The following WDR20 variants were observed in gnomAD, a reference collection of about 807,000 sequenced individuals.
WDR20 encodes WD repeat domain 20, also known as WD repeat-containing protein 20.
In WDR20, 3 loss-of-function variants were observed where a neutral mutation model predicts 38.7. The observed-to-expected ratio is 0.08, with a 90% CI of 0.04 to 0.20. The LOEUF is 0.20. Among genes scored for constraint, WDR20 ranks in the 10% least tolerant of loss-of-function variants. WDR20 has a pLI of 1.00. For missense variants in WDR20, 559 were observed against 727.7 expected (o/e 0.77, Z 2.67); for synonymous variants, 298 against 285.6 (o/e 1.04, Z -0.44).
In WDR20 at chr14:102,209,581, G is replaced by C. The variant is rs2062160864; in HGVS notation, c.1411G>C (p.Glu471Gln). ...AACACTTTCACTACATGACCGGAAG[G>C]AGAGGCACCACGAGAAAGATCACAA... is the stretch of plus-strand genomic sequence containing the variant. ...FATLSLHDRK[E>Q]RHHEKDHKRN... The change falls in exon 3 of 3, where the codon GAG becomes CAG. Residue 471 changes from glutamate to glutamine, a missense_variant. By Grantham distance (29) the Glu-to-Gln change is conservative. Coordinates refer to ENST00000342702, the MANE Select transcript of WDR20 (RefSeq NM_144574.4). This position sits in a 1 kb window ranked among gnomAD's most constrained non-coding sequence, Gnocchi z 6.0. 7 of 1,614,194 alleles carry C rather than the reference G, an allele frequency of 4.3e-6. No individual in the cohort carries two copies. The highest frequency in any genetic ancestry group is 5.9e-6 in the Non-Finnish European group (7 of 1,180,044).
At chr14:102,160,527 T>C (rs543503787) in intron 1 of WDR20, among the ~76,000 whole-genome samples, 6 of 152,252 alleles carry the variant, frequency 3.9e-5, no homozygotes, top group East Asian at 1.9e-4. Flanking sequence ...ATATTGGAGA[T>C]CTTTCCATTT....
intron 1 of WDR20, among the ~76,000 whole-genome samples, chr14:102,168,300 A>C (rs2060141195): frequency 6.6e-6 from 1 of 152,130 alleles, no homozygotes; most frequent in African/African-American, 2.4e-5. Flanking sequence ...AAAAAGGAAA[A>C]ATTTTTCCCC....
At chr14:102,167,029 T>C (rs961671611) in intron 1 of WDR20, among the ~76,000 whole-genome samples, 10 of 152,190 alleles carry the variant, frequency 6.6e-5, no homozygotes, top group Non-Finnish European at 2.9e-5. Flanking sequence ...TGAAAATCTT[T>C]CAGTGGTTCC....
At chr14:102,195,235 G>GC (rs147480784) in intron 2 of WDR20, 115 bp downstream of exon 2, 91 of 1,160,244 alleles carry the variant, frequency 7.8e-5, no homozygotes, top group Non-Finnish European at 9.8e-5. Flanking sequence ...TATTCGCCCA[G>GC]CCCTCCTACC....
intron 2 of WDR20, among the ~76,000 whole-genome samples, chr14:102,195,381 A>C (rs2059242840): frequency 6.6e-6 from 1 of 152,128 alleles, no homozygotes; most frequent in African/African-American, 2.4e-5. Context: ...TCTATAATGG[A>C]GATAGGGACA....
intron 1 of WDR20, among the ~76,000 whole-genome samples, chr14:102,186,904 C>A (rs988867208): frequency 1.3e-5 from 2 of 151,280 alleles, no homozygotes; most frequent in African/African-American, 4.9e-5. Flanking sequence ...GAGCCGAGAT[C>A]GTGCCACTGC....
At chr14:102,217,521 A>C (rs2063360313), downstream of WDR20, among the ~76,000 whole-genome samples, 1 of 152,188 alleles carries the variant, frequency 6.6e-6, no homozygotes, top group African/African-American at 2.4e-5. Flanking sequence ...TGGCAGAGGT[A>C]CGTGGTCCAC....
chr14:102,218,964 C>A (rs914004123), downstream of WDR20, among the ~76,000 whole-genome samples: 2 of 152,188 alleles, frequency 1.3e-5, no homozygotes, highest in Non-Finnish European at 2.9e-5. Context: ...CCCTTTTCTC[C>A]CATGAAAAGG....
chr14:102,203,545 A>G (rs2060905859), intron 2 of WDR20, among the ~76,000 whole-genome samples: 1 of 152,088 alleles, frequency 6.6e-6, no homozygotes, highest in Non-Finnish European at 1.5e-5. Flanking sequence ...CTCCAGACCA[A>G]ATTCCCCTCC....
At chr14:102,170,938 T>C (rs1004067386) in intron 1 of WDR20, among the ~76,000 whole-genome samples, 1 of 152,032 alleles carries the variant, frequency 6.6e-6, no homozygotes, top group African/African-American at 2.4e-5. Context: ...TCCTCCTCCT[T>C]GGGAAATTTC....
chr14:102,198,735 G>A (rs1342331100), intron 2 of WDR20, among the ~76,000 whole-genome samples: 1 of 152,170 alleles, frequency 6.6e-6, no homozygotes, highest in Non-Finnish European at 1.5e-5. Flanking sequence ...AGGCAGATTG[G>A]TGTTTTTGAA....
downstream of WDR20, among the ~76,000 whole-genome samples, chr14:102,210,853 C>T (rs1166775587): frequency 1.3e-5 from 2 of 152,198 alleles, no homozygotes; most frequent in East Asian, 1.9e-4. Flanking sequence ...TGACATGGCC[C>T]TCGTTTGGGC....
At chr14:102,212,373 G>A (rs963807343), downstream of WDR20, 3 of 881,536 alleles carry the variant, frequency 3.4e-6, no homozygotes, top group African/African-American at 1.7e-5. Context: ...TCAGGGCCCA[G>A]TGGAGAGCAC....
chr14:102,144,329 A>G (rs1298218986), intron 1 of WDR20, among the ~76,000 whole-genome samples: 1 of 151,828 alleles, frequency 6.6e-6, no homozygotes, highest in African/African-American at 2.4e-5. Flanking sequence ...CTAAAAATAC[A>G]AAATTAGCTG....
At chr14:102,186,536 C>G (rs771504589) in intron 1 of WDR20, among the ~76,000 whole-genome samples, 16 of 152,040 alleles carry the variant, frequency 1.1e-4, no homozygotes, top group Non-Finnish European at 1.9e-4. Context: ...GTGCCTCCCC[C>G]CACAACACCC....
At chr14:102,150,509 T>C (rs2055415656) in intron 1 of WDR20, among the ~76,000 whole-genome samples, 1 of 152,180 alleles carries the variant, frequency 6.6e-6, no homozygotes, top group Admixed American at 6.6e-5. Context: ...GGGAATATTT[T>C]AACATCTTAG....
At chr14:102,139,648 T>C, upstream of WDR20, 1 of 644,292 alleles carries the variant, frequency 1.6e-6, no homozygotes, top group Non-Finnish European at 2.6e-6. Context: ...GAAGCCGGCA[T>C]CACCTGGGAA....
chr14:102,187,724 G>T (rs1596496582), intron 1 of WDR20, among the ~76,000 whole-genome samples: 1 of 152,156 alleles, frequency 6.6e-6, no homozygotes, highest in Non-Finnish European at 1.5e-5. Context: ...GAAGGAGACT[G>T]GCACAGAGCT....
At chr14:102,195,219 A>G in intron 2 of WDR20, 99 bp downstream of exon 2, 1 of 1,362,952 alleles carries the variant, frequency 7.3e-7, no homozygotes, top group Non-Finnish European at 1.0e-6. Context: ...AGCTAAGCCC[A>G]TTTTTTATTC....
Sources: gnomAD v4.1 joint callset for allele counts (sites outside exome capture counted in the v4.1 genomes callset) on GRCh38, gnomAD v4.1.1 for gene constraint, Gnocchi (gnomAD v3.1) non-coding constraint, MANE v1.5 for transcripts, NCBI Gene and HGNC (gene_info 2026-07-23, HGNC 2026-07-21) for gene names.